MYO1C: variants seen among roughly 807,000 people sequenced by gnomAD.
MYO1C encodes unconventional myosin-Ic.
MYO1C carries 104 observed loss-of-function variants against 150.8 expected under a neutral mutation model. That is an observed-to-expected ratio of 0.69 (90% confidence interval 0.59 to 0.81). The LOEUF (loss-of-function observed/expected upper bound fraction) is 0.81, where lower values mean the gene tolerates loss of function less well. MYO1C is among the 30% of genes least tolerant of loss of function. The pLI is 0.00. For synonymous variants in MYO1C, 663 were observed against 579.9 expected, an observed-to-expected ratio of 1.14 and a Z score of -2.06; for missense variants, 1,504 against 1,435.0, an observed-to-expected ratio of 1.05 and a Z score of -0.78.
rs1250314113 is a variant in MYO1C, at chr17:1,480,535, C to T, written c.898G>A (p.Glu300Lys). 1 of 1,613,602 alleles carries T rather than the reference C, an allele frequency of 6.2e-7. No individual in the cohort carries two copies. The highest frequency in any genetic ancestry group is 8.5e-7 in the Non-Finnish European group (1 of 1,179,502). Residue 300 changes from glutamate (E) to lysine (K), a missense_variant, in exon 7 of 32, where the codon GAA (glutamate) becomes AAA (lysine). Glu to Lys is a moderately conservative substitution (Grantham distance 56, BLOSUM62 1). Coordinates refer to ENST00000648651, the MANE Select transcript of MYO1C (RefSeq NM_001080779.2). ...ALTVIDFTED[E>K]VEDLLSIVAS... ...CCCGGAAGAGGCCTCACCTCCACTT[C>T]ATCCTCGGTGAAATCAATGACTGTC...
chr17:1,472,454 C>T (rs921372001), intron 17 of MYO1C: 1 of 566,580 alleles, frequency 1.8e-6, no homozygotes, highest in African/African-American at 1.9e-5. Context: ...CTCACTCCAG[C>T]CTAAAACTCC....
chr17:1,487,526 G>A (rs984722422), intron 1 of MYO1C, among the ~76,000 whole-genome samples: 2 of 152,194 alleles, frequency 1.3e-5, no homozygotes, highest in Non-Finnish European at 2.9e-5. Context: ...GCACCAGCTG[G>A]TGGGGGAGTG....
At position 1,480,759 on chromosome 17, in the gene MYO1C, G is replaced by A. The variant is rs763512054; in HGVS notation, c.754C>T (p.Leu252Phe). ...TTCCGTTCCAAGCCCAGCCTGCGAA[G>A]AGTCTCCTCCTCGCCCCCCTCCAGC... ...QLLEGGEEET[L>F]RRLGLERNPQ... Residue 252 changes from leucine (L) to phenylalanine (F), a missense_variant, in exon 6 of 32, where the codon CTT becomes TTT. Leu to Phe is a conservative substitution (Grantham distance 22). Coordinates refer to ENST00000648651, the MANE Select transcript of MYO1C (RefSeq NM_001080779.2). 6 of 1,614,166 alleles carry A rather than the reference G, an allele frequency of 3.7e-6. No homozygotes were observed. The highest frequency in any genetic ancestry group is 2.2e-5 in the South Asian group (2 of 91,082).
intron 19 of MYO1C, 74 bp downstream of exon 19, chr17:1,471,833 T>C (rs1353417552): frequency 6.8e-7 from 1 of 1,479,066 alleles, no homozygotes; most frequent in African/African-American, 1.4e-5. Flanking sequence ...AGAACCCTTG[T>C]CTGCCCTCAT....
chr17:1,492,044 G>C, intron 1 of MYO1C: 1 of 329,822 alleles, frequency 3.0e-6, no homozygotes, highest in East Asian at 7.9e-5. Flanking sequence ...AGTCTTGGGC[G>C]GTCCCAGCCC....
intron 19 of MYO1C, 120 bp downstream of exon 19, chr17:1,471,764 AAGGGCCTCCACCAAGGGCAGCCC>A (rs1026884417): frequency 6.1e-5 from 54 of 885,652 alleles, no homozygotes; most frequent in Middle Eastern, 3.3e-4. Context: ...CCGCAGCACC[AAGGGCCTCCACCAAGGGCAGCCC>A]AGGGCCTCCG....
chr17:1,492,125 C>G, intron 1 of MYO1C: 1 of 466,906 alleles, frequency 2.1e-6, no homozygotes, highest in East Asian at 4.2e-5. Context: ...GACCTCACAG[C>G]AGCCGGCACT....
At position 1,479,194 on chromosome 17, in the gene MYO1C, T is replaced by C. The variant is rs2074462212; in HGVS notation, c.1092+237A>G. On this transcript the variant is annotated intron_variant, in intron 9 of 31. Transcript: ENST00000648651. This position sits in a 1 kb window ranked among gnomAD's most constrained non-coding sequence, Gnocchi z 4.2. ...ATTCTTAGTAGATGGGGTTTCACCA[T>C]GTTGGCCAAGATGGTCTCGAACTCC... is the stretch of plus-strand genomic sequence containing the variant. Among the ~76,000 whole-genome samples the C allele has an allele frequency of 6.6e-6, 1 of 152,152 alleles. No individual in the cohort carries two copies. Among genetic ancestry groups the C allele is most frequent in the South Asian group, 2.1e-4 (1 of 4,832 alleles).
chr17:1,485,664 C>A, intron 1 of MYO1C: 1 of 1,210,066 alleles, frequency 8.3e-7, no homozygotes, highest in Admixed American at 4.0e-5. Context: ...CCCGGGACCC[C>A]CCGCCCTGCC....
rs2302457 is a variant in MYO1C at position 1,467,426 on chromosome 17, C to T, written c.3065+54G>A. The T allele has an allele frequency of 0.4, 639,654 of 1,598,196 alleles. 130,154 individuals are homozygous for T. Among genetic ancestry groups the T allele is most frequent in the South Asian group, 0.42 (38,156 of 90,544 alleles). ...GACCCCCACCCTGTCCCTGGGTGCC[C>T]ACACAGCCCCCTCGCCACCCCCGCC... On this transcript the variant is annotated intron_variant, in intron 30 of 31. Transcript: ENST00000648651.
At chr17:1,482,004 G>A (rs984420776) in intron 5 of MYO1C, among the ~76,000 whole-genome samples, 1 of 151,940 alleles carries the variant, frequency 6.6e-6, no homozygotes, top group Admixed American at 6.6e-5. Context: ...CCCGCTGCCT[G>A]GACAGGCACC....
intron 1 of MYO1C, chr17:1,485,152 C>A: frequency 8.3e-7 from 1 of 1,202,528 alleles, no homozygotes; most frequent in Non-Finnish European, 1.1e-6. Context: ...CTGGGTCCTA[C>A]TGGAGGGTGG....
Position 1,464,612 on chromosome 17 carries a change from G to C in MYO1C, c.*1114C>G, listed in dbSNP as rs1253890774. 2 of 152,770 alleles carry C rather than the reference G, an allele frequency of 1.3e-5. No individual in the cohort carries two copies. Among genetic ancestry groups the C allele is most frequent in the African/African-American group, 4.8e-5 (2 of 41,468 alleles). 9.5% of individuals were successfully genotyped at this position (152,770 alleles called of 1,614,324 possible). On this transcript the variant is annotated 3_prime_UTR_variant, in exon 32 of 32. Transcript: ENST00000648651. ...TGGCAGTGAGGCACGCTGAGGAAGG[G>C]CTGCCATCTTGGTTTTGTGGCAACC...
At position 1,479,734 on chromosome 17, in the gene MYO1C, G is replaced by A. The variant is rs2074477267; in HGVS notation, c.907-29C>T. 4 of 1,549,476 alleles carry A rather than the reference G, an allele frequency of 2.6e-6. No homozygotes were observed. Among genetic ancestry groups the A allele is most frequent in the South Asian group, 1.2e-5 (1 of 86,340 alleles). ...GGGGAGCAGGCCGGGGGCAGGAGGG[G>A]GTGAGAGGGGCCAGAGAGCCCCAAG... On this transcript the variant is annotated intron_variant, in intron 7 of 31. Transcript: ENST00000648651. The surrounding 1 kb of genome is among the most constrained non-coding windows in gnomAD (Gnocchi z 4.2).
At position 1,484,148 on chromosome 17, in the gene MYO1C, G is replaced by A. The variant is rs771880659; in HGVS notation, c.231C>T (p.Tyr77=). 7.4e-6 allele frequency: 12 copies of A among 1,612,686 alleles called. No individual in the cohort carries two copies. Among genetic ancestry groups the A allele is most frequent in the Middle Eastern group, 1.6e-4 (1 of 6,084 alleles). Residue 77 remains tyrosine (Y), a splice_region_variant and synonymous_variant, in exon 2 of 32, where the codon TAC becomes TAT. Transcript: ENST00000648651. ...LRRRFRENLI[Y]TYIGPVLVSV... is the part of the protein sequence containing the mutation. The stretch of plus-strand genomic sequence containing the variant: ...TGCCATCTCCCCACAAGGGCCTCAC[G>A]TAGATGAGATTCTCCCGAAATCGCC...
intron 25 of MYO1C, chr17:1,468,966 GAGC>G: frequency 3.4e-6 from 1 of 297,636 alleles, no homozygotes; most frequent in Non-Finnish European, 6.6e-6. Context: ...ACAGGGTTCT[GAGC>G]AGTCTCTACC....
At chr17:1,466,407 C>G (rs2074172188) in intron 31 of MYO1C, among the ~76,000 whole-genome samples, 1 of 151,958 alleles carries the variant, frequency 6.6e-6, no homozygotes, top group Non-Finnish European at 1.5e-5. Flanking sequence ...CTCGGCTCAC[C>G]GCAACCTCCA....
rs1011048734 is a variant in MYO1C at position 1,474,550 on chromosome 17, C to A, written c.1797+60G>T. The A allele has an allele frequency of 1.2e-4, 184 of 1,560,230 alleles. No individual in the cohort carries two copies. In the Admixed American group the frequency reaches 3.1e-3, roughly 26 times the overall value. ...CACGCTGCCAGCTCCCAGGCTCACA[C>A]AGGCCCTCATGCACACTCAGGCGCA... On this transcript the variant is annotated intron_variant, in intron 17 of 31. Transcript: ENST00000648651.
At chr17:1,482,579 G>A in intron 4 of MYO1C, 21 bp from the exon 5 acceptor site, 12 of 1,604,852 alleles carry the variant, frequency 7.5e-6, no homozygotes, top group Non-Finnish European at 1.0e-5. Context: ...ACAGGGGTAT[G>A]AGGGACACCT....
Sources: allele counts gnomAD v4.1 joint callset (sites outside exome capture counted in the v4.1 genomes callset), GRCh38; gene constraint gnomAD v4.1.1; non-coding constraint Gnocchi (gnomAD v3.1); transcripts MANE v1.5; gene names NCBI Gene and HGNC (gene_info 2026-07-23, HGNC 2026-07-21).